The following PGM5 variants were observed in gnomAD, a reference collection of about 807,000 sequenced individuals.
PGM5 encodes the protein phosphoglucomutase-like protein 5.
Under a neutral mutation model 59.2 loss-of-function variants are expected in PGM5, and 23 were observed. The ratio of observed to expected loss-of-function variants is 0.39; its 90% CI spans 0.28 to 0.55. PGM5 has a LOEUF of 0.55. Among genes scored for constraint, PGM5 ranks in the 20% least tolerant of loss-of-function variants. The pLI, the probability that PGM5 is intolerant of heterozygous loss-of-function variation, is 0.66. For synonymous variants in PGM5, 214 were observed against 286.0 expected, an observed-to-expected ratio of 0.75 and a Z score of 2.54; for missense variants, 574 against 748.3, an observed-to-expected ratio of 0.77 and a Z score of 2.72.
At chr9:68,410,352 G>C (rs1366099717) in intron 6 of PGM5, among the ~76,000 whole-genome samples, 7 of 152,156 alleles carry the variant, frequency 4.6e-5, no homozygotes. Context: ...AGATAGAAGG[G>C]GATGAGAGTT....
chr9:68,459,217 T>A (rs1203333462), intron 6 of PGM5, among the ~76,000 whole-genome samples: 11 of 152,198 alleles, frequency 7.2e-5, no homozygotes, highest in Non-Finnish European at 1.5e-4. Context: ...AATTGAAGTA[T>A]AATGGACATA....
At position 68,379,104 on chromosome 9, in the gene PGM5, C is replaced by T. The variant is rs545695850; in HGVS notation, c.424+743C>T. 1.1e-4 allele frequency among the ~76,000 whole-genome samples: 16 copies of T among 152,250 alleles called. No homozygotes were observed. In the East Asian group the frequency reaches 2.7e-3, roughly 26 times the overall value. Reference sequence around the variant, plus strand: ...ACACATTGCTGCATGACTGTGCTAACATACCTAACAATAATAACATTAATT... The same window carrying T: ...ACACATTGCTGCATGACTGTGCTAATATACCTAACAATAATAACATTAATT... On this transcript the variant is annotated intron_variant, in intron 2 of 10. Coordinates refer to ENST00000396396, the MANE Select transcript of PGM5 (RefSeq NM_021965.4).
intron 6 of PGM5, among the ~76,000 whole-genome samples, chr9:68,454,571 G>C (rs977180544): frequency 8.5e-5 from 13 of 152,216 alleles, no homozygotes; most frequent in African/African-American, 3.1e-4. Flanking sequence ...GTGCTCTGGG[G>C]ATCCAGGGCT....
At position 68,529,588 on chromosome 9, in the gene PGM5, G is replaced by T; in HGVS notation, c.1636G>T (p.Ala546Ser). 1 of 1,597,996 alleles carries T rather than the reference G, an allele frequency of 6.3e-7. No individual in the cohort carries two copies. ...EPQAVLSPLIAIALKISQIHE... is the reference protein window; with the variant it reads ...EPQAVLSPLISIALKISQIHE... ...GCAGGCAGTGCTGAGCCCTCTCATA[G>T]CCATCGCACTGAAAATATCCCAGAT... The change falls in exon 11 of 11, where the codon GCC becomes TCC. Residue 546 changes from alanine to serine, a missense_variant. This residue lies in a region of PGM5 where 300 missense variants were observed against 280.0 expected (regional missense o/e 1.07). Transcript: ENST00000396396.
At chr9:68,368,563 C>T (rs1489386201) in intron 1 of PGM5, among the ~76,000 whole-genome samples, 6 of 151,664 alleles carry the variant, frequency 4.0e-5, no homozygotes, top group African/African-American at 1.2e-4. Flanking sequence ...AGAAAGACAT[C>T]GTTGATATGT....
chr9:68,444,395 T>C (rs1188326175), intron 6 of PGM5, among the ~76,000 whole-genome samples: 2 of 152,178 alleles, frequency 1.3e-5, no homozygotes, highest in Non-Finnish European at 2.9e-5. Context: ...ATTGGGGTGC[T>C]AGAAGCAAGA....
At chr9:68,411,773 G>A (rs2132039429) in intron 6 of PGM5, among the ~76,000 whole-genome samples, 1 of 152,298 alleles carries the variant, frequency 6.6e-6, no homozygotes, top group African/African-American at 2.4e-5. Context: ...TAGAGGCAAT[G>A]AGGATGCTTA....
chr9:68,525,558 A>C (rs1314371447), intron 10 of PGM5, among the ~76,000 whole-genome samples: 1 of 152,194 alleles, frequency 6.6e-6, no homozygotes, highest in Non-Finnish European at 1.5e-5. Flanking sequence ...TGGTGCTGGG[A>C]CATTTGGTTT....
intron 6 of PGM5, among the ~76,000 whole-genome samples, chr9:68,446,500 T>C (rs1587812900): frequency 1.3e-5 from 2 of 152,234 alleles, no homozygotes; most frequent in South Asian, 4.1e-4. Context: ...TCTTTCTGTG[T>C]TCTGTTTAAA....
chr9:68,435,774 AT>A (rs1277477643), intron 6 of PGM5, among the ~76,000 whole-genome samples: 15 of 152,090 alleles, frequency 9.9e-5, no homozygotes, highest in African/African-American at 3.6e-4. Context: ...TTTTCTCTGT[AT>A]CCTGTATCTA....
intron 6 of PGM5, chr9:68,400,776 G>T (rs1822646607): frequency 6.6e-6 from 1 of 152,348 alleles, no homozygotes; most frequent in South Asian, 2.1e-4. Flanking sequence ...TGATATGTGG[G>T]TACTGACGCT....
intron 6 of PGM5, among the ~76,000 whole-genome samples, chr9:68,403,823 T>G (rs1822736564): frequency 6.6e-6 from 1 of 152,158 alleles, no homozygotes; most frequent in Admixed American, 6.5e-5. Flanking sequence ...ACCCCCAAGG[T>G]GGTAGATGAC....
intron 6 of PGM5, among the ~76,000 whole-genome samples, chr9:68,406,748 C>G (rs1209806228): frequency 8.2e-6 from 1 of 122,056 alleles, no homozygotes; most frequent in Non-Finnish European, 1.6e-5. Context: ...TACAGCAGTG[C>G]CAGTCCACAG....
At chr9:68,368,102 T>A (rs1447032902) in intron 1 of PGM5, among the ~76,000 whole-genome samples, 1 of 152,110 alleles carries the variant, frequency 6.6e-6, no homozygotes, top group Non-Finnish European at 1.5e-5. Flanking sequence ...ATAGCATATG[T>A]GTGCATATAG....
intron 6 of PGM5, among the ~76,000 whole-genome samples, chr9:68,453,932 G>A (rs1554684601): frequency 6.6e-6 from 1 of 152,198 alleles, no homozygotes; most frequent in Non-Finnish European, 1.5e-5. Flanking sequence ...GGAAAGTAAG[G>A]AAGCGGCCTA....
chr9:68,511,990 C>G (rs191240323), intron 10 of PGM5, among the ~76,000 whole-genome samples: 1 of 152,238 alleles, frequency 6.6e-6, no homozygotes, highest in East Asian at 1.9e-4. Context: ...TTTAGATGTA[C>G]CATGCTTTGT....
intron 6 of PGM5, among the ~76,000 whole-genome samples, chr9:68,426,562 G>A (rs1268292210): frequency 2.0e-5 from 3 of 151,398 alleles, no homozygotes; most frequent in Admixed American, 2.0e-4. Flanking sequence ...TTATAATAGT[G>A]CAGTAATAAA....
intron 3 of PGM5, among the ~76,000 whole-genome samples, chr9:68,385,853 G>A (rs1554678800): frequency 6.6e-6 from 1 of 152,054 alleles, no homozygotes; most frequent in African/African-American, 2.4e-5. Context: ...ACTGATACCA[G>A]GAGATAGGTA....
chr9:68,378,039 A>G (rs551343875), intron 1 of PGM5, among the ~76,000 whole-genome samples, 160 bp from the exon 2 acceptor site: 3 of 151,406 alleles, frequency 2.0e-5, no homozygotes, highest in East Asian at 3.9e-4. Context: ...TAGGAGAGAC[A>G]ATGTCAGTGC....
Sources: allele counts gnomAD v4.1 joint callset (sites outside exome capture counted in the v4.1 genomes callset), GRCh38; gene constraint gnomAD v4.1.1; regional missense constraint gnomAD v4.1.1; transcripts MANE v1.5; gene names NCBI Gene and HGNC (gene_info 2026-07-23, HGNC 2026-07-21).